ADGRL3: variants seen among roughly 807,000 people sequenced by gnomAD.
ADGRL3 encodes calcium-independent alpha-latrotoxin receptor 3.
A neutral mutation model predicts 153.5 loss-of-function variants in ADGRL3; 62 were observed. That is an observed-to-expected ratio of 0.40 (90% CI 0.33 to 0.50). The LOEUF is 0.50. Ranked by LOEUF, ADGRL3 falls within the 20% of genes least tolerant of loss-of-function variation. The pLI, the probability that ADGRL3 is intolerant of heterozygous loss-of-function variation, is 0.47. For missense variants in ADGRL3, 1,641 were observed against 1,859.4 expected (o/e 0.88, Z 2.16); for synonymous variants, 710 against 672.5 (o/e 1.06, Z -0.86).
chr4:61,577,217 A>C (rs944784954), intron 4 of ADGRL3, among the ~76,000 whole-genome samples: 1 of 135,680 alleles, frequency 7.4e-6, no homozygotes, highest in Non-Finnish European at 1.6e-5. Flanking sequence ...TGTGTTAGGG[A>C]AATGGGGGGG....
At chr4:61,745,477 C>G (rs1580579708) in intron 8 of ADGRL3, among the ~76,000 whole-genome samples, 2 of 152,238 alleles carry the variant, frequency 1.3e-5, no homozygotes, top group East Asian at 3.9e-4. Context: ...GGGTTACCCA[C>G]AAAGGGAAGC....
At chr4:61,364,403 C>T (rs2096356523) in intron 1 of ADGRL3, among the ~76,000 whole-genome samples, 1 of 150,902 alleles carries the variant, frequency 6.6e-6, no homozygotes, top group Admixed American at 6.6e-5. Flanking sequence ...CAATATATGT[C>T]GTGATTTATA....
At chr4:61,757,178 T>A (rs898076472) in intron 8 of ADGRL3, among the ~76,000 whole-genome samples, 1 of 152,206 alleles carries the variant, frequency 6.6e-6, no homozygotes, top group African/African-American at 2.4e-5. Context: ...TTGATTGGAA[T>A]AGTTTCAGAA....
intron 9 of ADGRL3, among the ~76,000 whole-genome samples, chr4:61,830,246 G>C (rs1209040686): frequency 6.6e-6 from 1 of 151,956 alleles, no homozygotes; most frequent in Non-Finnish European, 1.5e-5. Flanking sequence ...TTTAAAATTA[G>C]CCTAGCTACT....
chr4:61,443,212 C>T (rs545053963), intron 2 of ADGRL3, among the ~76,000 whole-genome samples: 13 of 152,184 alleles, frequency 8.5e-5, no homozygotes, highest in South Asian at 2.1e-4. Flanking sequence ...AAGTAATTTT[C>T]GAAATCCTAT....
chr4:61,302,477 A>G (rs1009213532), intron 1 of ADGRL3, among the ~76,000 whole-genome samples: 2 of 152,122 alleles, frequency 1.3e-5, no homozygotes, highest in Non-Finnish European at 2.9e-5. Flanking sequence ...AGTGTGTGGA[A>G]CTGAGCATTA....
At chr4:61,347,917 AT>A (rs942110274) in intron 1 of ADGRL3, among the ~76,000 whole-genome samples, 5 of 151,938 alleles carry the variant, frequency 3.3e-5, no homozygotes, top group Non-Finnish European at 5.9e-5. Flanking sequence ...CTATATTCAC[AT>A]TTTTTTCTTC....
chr4:61,366,716 A>G (rs999159653), intron 1 of ADGRL3, among the ~76,000 whole-genome samples: 1 of 152,172 alleles, frequency 6.6e-6, no homozygotes, highest in Non-Finnish European at 1.5e-5. Flanking sequence ...GTGCTTATTA[A>G]CAGTTTGTCT....
intron 6 of ADGRL3, among the ~76,000 whole-genome samples, chr4:61,690,794 T>C (rs2095526633): frequency 1.3e-5 from 2 of 152,128 alleles, no homozygotes; most frequent in Admixed American, 1.3e-4. Context: ...AATAGAAACT[T>C]TTAATGGCAG....
intron 8 of ADGRL3, among the ~76,000 whole-genome samples, chr4:61,761,958 CAAAT>C (rs752860303): frequency 1.4e-3 from 208 of 152,192 alleles, no homozygotes; most frequent in African/African-American, 4.6e-3. Flanking sequence ...AATAAACAAA[CAAAT>C]AAATAAAATT....
chr4:61,812,364 A>G (rs1002528729), intron 8 of ADGRL3, among the ~76,000 whole-genome samples: 5 of 152,212 alleles, frequency 3.3e-5, no homozygotes, highest in Admixed American at 6.5e-5. Context: ...ACAGGGAGCC[A>G]TATTAATTAT....
chr4:61,503,477 C>T (rs1036906722), intron 3 of ADGRL3, among the ~76,000 whole-genome samples: 3 of 151,812 alleles, frequency 2.0e-5, no homozygotes, highest in Admixed American at 2.0e-4. Context: ...AATATAAAGT[C>T]ATTGTTTTCT....
intron 25 of ADGRL3, among the ~76,000 whole-genome samples, chr4:62,065,511 CAT>C (rs1019999540): frequency 2.0e-5 from 3 of 151,980 alleles, no homozygotes; most frequent in Non-Finnish European, 4.4e-5. Flanking sequence ...AACATATTAA[CAT>C]GTGCTGACAT....
At chr4:61,974,438 G>C (rs1241887795) in intron 17 of ADGRL3, among the ~76,000 whole-genome samples, 1 of 151,968 alleles carries the variant, frequency 6.6e-6, no homozygotes, top group Non-Finnish European at 1.5e-5. Context: ...TTATTTTTCT[G>C]ATCCTCTCTA....
Position 61,394,011 on chromosome 4 carries a change from A to C in ADGRL3, c.-174+10822A>C, listed in dbSNP as rs1237897190. ...GAACATGAGGAATAGAGAGTAATTA[A>C]TTCTTAACAAAATTCTTTGTGAAAA... On this transcript the variant is annotated intron_variant, in intron 2 of 26. Transcript: ENST00000683033. Among the ~76,000 whole-genome samples the C allele has an allele frequency of 2.6e-5, 4 of 152,118 alleles. No homozygotes were observed. The East Asian group carries it at 7.7e-4, about 29-fold the overall frequency.
At chr4:61,393,996 A>G (rs1428713721) in intron 2 of ADGRL3, among the ~76,000 whole-genome samples, 1 of 152,074 alleles carries the variant, frequency 6.6e-6, no homozygotes, top group Non-Finnish European at 1.5e-5. Flanking sequence ...GAACATGAGG[A>G]ATAGAGAGTA....
chr4:61,311,297 C>A (rs2094994572), intron 1 of ADGRL3, among the ~76,000 whole-genome samples: 1 of 152,042 alleles, frequency 6.6e-6, no homozygotes, highest in Non-Finnish European at 1.5e-5. Context: ...TGTTGTTATT[C>A]CTTCTGGAAT....
intron 1 of ADGRL3, among the ~76,000 whole-genome samples, chr4:61,224,186 T>G (rs1355340004): frequency 6.6e-6 from 1 of 152,174 alleles, no homozygotes; most frequent in Admixed American, 6.5e-5. Flanking sequence ...ACTTTTATCT[T>G]TACTCTTTCA....
rs368933862 is a variant in ADGRL3 at position 61,910,814 on chromosome 4, C to T, written c.2073+1069C>T. The stretch of plus-strand genomic sequence containing the variant: ...CTGTGTCTTACTAGGGTAAGAATTT[C>T]AGTCATCAAAAGGAAAGAAATTTTC... On this transcript the variant is annotated intron_variant, in intron 12 of 26. Coordinates refer to ENST00000683033, the MANE Select transcript of ADGRL3 (RefSeq NM_001387552.1). Among the ~76,000 whole-genome samples, 7 of 151,072 alleles carry T rather than the reference C, an allele frequency of 4.6e-5. No homozygotes were observed. In the South Asian group the frequency reaches 1.5e-3, roughly 31 times the overall value.
Sources: gnomAD v4.1 joint callset for allele counts (sites outside exome capture counted in the v4.1 genomes callset) on GRCh38, gnomAD v4.1.1 for gene constraint, MANE v1.5 for transcripts, NCBI Gene and HGNC (gene_info 2026-07-23, HGNC 2026-07-21) for gene names.